Variants in DNAH14 observed in about 807,000 individuals in gnomAD.
DNAH14 encodes axonemal beta dynein heavy chain 14.
A neutral mutation model predicts 520.9 loss-of-function variants in DNAH14; 478 were observed. The observed-to-expected ratio is 0.92, with a 90% CI of 0.85 to 0.99. The LOEUF (loss-of-function observed/expected upper bound fraction) is 0.99, where lower values mean the gene tolerates loss of function less well. Ranked by LOEUF, DNAH14 falls within the 50% of genes least tolerant of loss-of-function variation. The pLI is 0.00. For synonymous variants in DNAH14, 1,581 were observed against 1,757.2 expected (o/e 0.90, Z 2.51); for missense variants, 4,831 against 5,234.5 (o/e 0.92, Z 2.38).
chr1:225,330,974 A>G (rs898625429), intron 64 of DNAH14, among the ~76,000 whole-genome samples: 1 of 152,184 alleles, frequency 6.6e-6, no homozygotes, highest in African/African-American at 2.4e-5. Flanking sequence ...TAATTTTTTC[A>G]GCTATTTATG....
intron 27 of DNAH14, among the ~76,000 whole-genome samples, chr1:225,130,914 T>C (rs193176613): frequency 9.8e-4 from 149 of 152,282 alleles, no homozygotes; most frequent in African/African-American, 3.5e-3. Context: ...TATGCCTGTA[T>C]AAGTATTTAG....
chr1:224,975,869 T>C (rs376612613), intron 8 of DNAH14, among the ~76,000 whole-genome samples: 2 of 152,098 alleles, frequency 1.3e-5, no homozygotes, highest in African/African-American at 4.8e-5. Flanking sequence ...CATTTAGTGC[T>C]ATAAATTTCC....
chr1:225,389,072 A>C (rs1277486045), intron 82 of DNAH14, among the ~76,000 whole-genome samples: 1 of 152,170 alleles, frequency 6.6e-6, no homozygotes, highest in African/African-American at 2.4e-5. Context: ...GTAATTTTTA[A>C]ATGTGTTTTT....
chr1:225,135,123 T>C (rs925445089), intron 27 of DNAH14, among the ~76,000 whole-genome samples: 4 of 152,274 alleles, frequency 2.6e-5, no homozygotes, highest in Non-Finnish European at 4.4e-5. Context: ...CTGGATTTGC[T>C]AATTTTTTAA....
intron 43 of DNAH14, among the ~76,000 whole-genome samples, chr1:225,244,047 T>C (rs2092128905): frequency 6.6e-6 from 1 of 152,196 alleles, no homozygotes; most frequent in Non-Finnish European, 1.5e-5. Flanking sequence ...TGAGTGTTTT[T>C]TAACATGAAA....
intron 58 of DNAH14, among the ~76,000 whole-genome samples, chr1:225,306,711 G>A (rs540853673): frequency 6.6e-6 from 1 of 152,124 alleles, no homozygotes; most frequent in African/African-American, 2.4e-5. Flanking sequence ...TACATACCTT[G>A]TACTATCCTA....
intron 55 of DNAH14, among the ~76,000 whole-genome samples, chr1:225,292,189 G>A (rs2093907604): frequency 6.6e-6 from 1 of 152,072 alleles, no homozygotes; most frequent in Non-Finnish European, 1.5e-5. Flanking sequence ...CCAATGTCCT[G>A]AAGCATTTCC....
intron 84 of DNAH14, 23 bp downstream of exon 84, chr1:225,392,474 A>T: frequency 6.5e-7 from 1 of 1,550,348 alleles, no homozygotes; most frequent in Non-Finnish European, 8.7e-7. Flanking sequence ...TTCAAGGATT[A>T]GAAACGGTGA....
At chr1:225,077,393 A>G (rs2148540007) in intron 17 of DNAH14, among the ~76,000 whole-genome samples, 1 of 152,288 alleles carries the variant, frequency 6.6e-6, no homozygotes, top group South Asian at 2.1e-4. Context: ...ATATGTTACT[A>G]GTGTCATAAA....
intron 41 of DNAH14, among the ~76,000 whole-genome samples, chr1:225,220,722 A>C (rs1462112710): frequency 8.5e-5 from 13 of 152,296 alleles, no homozygotes; most frequent in African/African-American, 3.1e-4. Flanking sequence ...AAATGGCCAT[A>C]CTGCCCAAAA....
At chr1:225,333,608 T>G (rs896754805) in intron 66 of DNAH14, 102 bp downstream of exon 66, 9 of 1,038,194 alleles carry the variant, frequency 8.7e-6, no homozygotes, top group Non-Finnish European at 1.2e-5. Context: ...CAAAATTATT[T>G]TGATAAATGA....
chr1:225,085,571 GA>G lies in DNAH14; in HGVS notation c.3356del (p.Asp1119ValfsTer30). ...KMFQYENEIN[D>X]MSTSATNEAA... ...GTTTCAGTATGAAAATGAAATAAAT[GA>G]TATGTCAACCTCAGCAACTAATGAA... is the stretch of plus-strand genomic sequence containing the variant. On this transcript the variant is annotated frameshift_variant, in exon 21 of 86. Coordinates refer to ENST00000682510, the MANE Select transcript of DNAH14 (RefSeq NM_001367479.1). LOFTEE classifies it high-confidence loss of function. The G allele has an allele frequency of 6.5e-7, 1 of 1,547,092 alleles. No homozygotes were observed. The highest frequency in any genetic ancestry group is 8.7e-7 in the Non-Finnish European group (1 of 1,143,270).
intron 8 of DNAH14, among the ~76,000 whole-genome samples, chr1:224,988,117 T>C (rs141819787): frequency 0.01 from 1,536 of 152,216 alleles, 22 homozygotes; most frequent in African/African-American, 0.034. Context: ...TGCGTTATCA[T>C]TGTTCAACTC....
At chr1:225,041,384 C>T (rs940624440) in intron 12 of DNAH14, among the ~76,000 whole-genome samples, 2 of 152,218 alleles carry the variant, frequency 1.3e-5, no homozygotes, top group African/African-American at 2.4e-5. Context: ...TGTGGCTATT[C>T]CTCTCTTGTA....
chr1:225,153,532 C>A (rs1252021929), intron 33 of DNAH14, among the ~76,000 whole-genome samples: 1 of 151,528 alleles, frequency 6.6e-6, no homozygotes, highest in Non-Finnish European at 1.5e-5. Flanking sequence ...TTTCTTAACA[C>A]CTTTAATATT....
At position 225,242,094 on chromosome 1, in the gene DNAH14, C is replaced by G. The variant is rs115273007; in HGVS notation, c.6748+1272C>G. Among the ~76,000 whole-genome samples, 510 of 152,116 alleles carry G rather than the reference C, an allele frequency of 3.4e-3. 1 individual carries two copies. Among genetic ancestry groups the G allele is most frequent in the African/African-American group, 0.011 (466 of 41,518 alleles). ...ATGAGTGAATAAATAAAAAGCCAGGCATGGTTGTATGCTCCTGTAGTTTCA... is the reference window on the plus strand; with the variant it reads ...ATGAGTGAATAAATAAAAAGCCAGGGATGGTTGTATGCTCCTGTAGTTTCA... On this transcript the variant is annotated intron_variant, in intron 43 of 85. Transcript: ENST00000682510.
At chr1:225,255,482 T>C (rs1443235858) in intron 44 of DNAH14, among the ~76,000 whole-genome samples, 2 of 152,156 alleles carry the variant, frequency 1.3e-5, no homozygotes, top group African/African-American at 2.4e-5. Context: ...TATGTGAAGG[T>C]GAACTGGATT....
intron 8 of DNAH14, among the ~76,000 whole-genome samples, chr1:225,000,639 T>A (rs2063699517): frequency 6.6e-6 from 1 of 151,414 alleles, no homozygotes; most frequent in Non-Finnish European, 1.5e-5. Flanking sequence ...TGCAGTGGCA[T>A]GATCTCAGCT....
chr1:225,001,655 T>C (rs1469817704), intron 8 of DNAH14, among the ~76,000 whole-genome samples: 2 of 152,142 alleles, frequency 1.3e-5, no homozygotes, highest in Non-Finnish European at 2.9e-5. Context: ...CAAAATTTAA[T>C]ACATTTTTAA....
Sources: allele counts gnomAD v4.1 joint callset (sites outside exome capture counted in the v4.1 genomes callset), GRCh38; gene constraint gnomAD v4.1.1; transcripts MANE v1.5; gene names NCBI Gene and HGNC (gene_info 2026-07-23, HGNC 2026-07-21).